CISD3: variants seen among roughly 807,000 people sequenced by gnomAD.
CISD3 encodes the protein CDGSH iron sulfur domain 3.
CISD3 carries 11 observed loss-of-function variants against 14.1 expected under a neutral mutation model. The ratio of observed to expected loss-of-function variants is 0.78; its 90% CI spans 0.49 to 1.29. The LOEUF (loss-of-function observed/expected upper bound fraction) is 1.29. CISD3 is among the 50% of genes most tolerant of loss of function. The pLI is 0.00. For synonymous variants in CISD3, 53 were observed against 69.2 expected (o/e 0.77, Z 1.16); for missense variants, 156 against 171.6 (o/e 0.91, Z 0.51).
intron 1 of CISD3, 112 bp downstream of exon 1, chr17:38,730,518 G>A: frequency 1.0e-6 from 1 of 970,046 alleles, no homozygotes; most frequent in Non-Finnish European, 1.5e-6. Context: ...GGCCCGTCCC[G>A]CCGGTGTCTG....
At chr17:38,731,642 C>G (rs1906340265) in intron 3 of CISD3, among the ~76,000 whole-genome samples, 2 of 152,230 alleles carry the variant, frequency 1.3e-5, no homozygotes, top group South Asian at 4.1e-4. Context: ...GAGACAGAAA[C>G]TCAGTCACGC....
chr17:38,732,482 C>T (rs1906376435), intron 3 of CISD3, among the ~76,000 whole-genome samples: 1 of 152,122 alleles, frequency 6.6e-6, no homozygotes, highest in African/African-American at 2.4e-5. Flanking sequence ...AATGCCTCTA[C>T]CCCCACCAAA....
chr17:38,730,487 G>A (rs1307966850), intron 1 of CISD3, 81 bp downstream of exon 1: 2 of 1,137,178 alleles, frequency 1.8e-6, no homozygotes, highest in African/African-American at 1.6e-5. Context: ...CCCCGGCCCG[G>A]CCGAGCATCC....
chr17:38,730,917 C>A, intron 2 of CISD3, 122 bp downstream of exon 2: 1 of 1,114,780 alleles, frequency 9.0e-7, no homozygotes, highest in Non-Finnish European at 1.3e-6. Flanking sequence ...TAGCCCGTGG[C>A]TCTCAGGGAG....
chr17:38,733,163 C>T, intron 3 of CISD3, 113 bp from the exon 4 acceptor site: 2 of 973,156 alleles, frequency 2.1e-6, no homozygotes, highest in South Asian at 3.2e-5. Flanking sequence ...CAGTCTTGCT[C>T]TGGAGCCTGT....
In CISD3 at chr17:38,731,895, G is replaced by A. The variant is rs551399916; in HGVS notation, c.204+456G>A. ...CTTCCGAGATCAGATGAGATTGGGC[G>A]CATTCAGGGTGGTATGGCCATAGAC... On this transcript the variant is annotated intron_variant, in intron 3 of 3. Coordinates refer to ENST00000613478, the MANE Select transcript of CISD3 (RefSeq NM_001136498.2). 1.6e-4 allele frequency: 28 copies of A among 177,664 alleles called. No homozygotes were observed. The Middle Eastern group carries it at 0.013, about 80-fold the overall frequency. 11.0% of individuals were successfully genotyped at this position (177,664 alleles called of 1,614,324 possible).
Position 38,735,135 on chromosome 17 carries a change from G to A in CISD3, c.*1680G>A. The stretch of plus-strand genomic sequence containing the variant: ...CCCACCCCCAAGGTGGGAAGAGCTG[G>A]GGAAAGTAGAAGAGGTGGAAAAAAG... On this transcript the variant is annotated 3_prime_UTR_variant, in exon 4 of 4. Coordinates refer to ENST00000613478, the MANE Select transcript of CISD3 (RefSeq NM_001136498.2). 1.9e-6 allele frequency: 2 copies of A among 1,079,294 alleles called. No homozygotes were observed. Among genetic ancestry groups the A allele is most frequent in the Non-Finnish European group, 2.4e-6 (2 of 819,256 alleles). The allele number at this position is 1,079,294 out of a possible 1,614,324, so 66.9% of individuals were successfully genotyped here.
At chr17:38,730,825 G>C in intron 2 of CISD3, 30 bp downstream of exon 2, 3 of 1,547,712 alleles carry the variant, frequency 1.9e-6, no homozygotes, top group Non-Finnish European at 2.6e-6. Flanking sequence ...CCTCCTCCTC[G>C]CACAAGACCC....
At chr17:38,730,883 G>C in intron 2 of CISD3, 88 bp downstream of exon 2, 1 of 1,367,966 alleles carries the variant, frequency 7.3e-7, no homozygotes, top group Non-Finnish European at 1.0e-6. Flanking sequence ...GAGCTAGGAA[G>C]AGTACAGGCC....
chr17:38,731,271 C>T, intron 2 of CISD3, 49 bp from the exon 3 acceptor site: 1 of 1,542,222 alleles, frequency 6.5e-7, no homozygotes, highest in Non-Finnish European at 8.8e-7. Context: ...CCGGACGGTG[C>T]TTCCAGGGCT....
intron 1 of CISD3, 98 bp downstream of exon 1, chr17:38,730,504 T>C: frequency 9.8e-7 from 1 of 1,019,358 alleles, no homozygotes; most frequent in Non-Finnish European, 1.4e-6. Flanking sequence ...ATCCCGGAGC[T>C]CCCGGCCCGT....
rs752386425 is a variant in CISD3 at position 38,735,304 on chromosome 17, C to A, written c.*1849C>A. Reference sequence around the variant, plus strand: ...TGGAGGATGGTGTCTGCAGGCAGTTCAAGCTACCCCCGTTGGCAGCTGTGG... The same window carrying A: ...TGGAGGATGGTGTCTGCAGGCAGTTAAAGCTACCCCCGTTGGCAGCTGTGG... On this transcript the variant is annotated 3_prime_UTR_variant, in exon 4 of 4. Transcript: ENST00000613478. 2 of 1,520,820 alleles carry A rather than the reference C, an allele frequency of 1.3e-6. No homozygotes were observed. The highest frequency in any genetic ancestry group is 1.9e-5 in the Admixed American group (1 of 51,322). 94.2% of individuals were successfully genotyped at this position (1,520,820 alleles called of 1,614,324 possible).
At chr17:38,733,030 G>A (rs1906411336) in intron 3 of CISD3, among the ~76,000 whole-genome samples, 1 of 151,772 alleles carries the variant, frequency 6.6e-6, no homozygotes, top group Non-Finnish European at 1.5e-5. Flanking sequence ...TAAAGACTCT[G>A]TAAATACTTA....
intron 1 of CISD3, 66 bp downstream of exon 1, chr17:38,730,472 T>A: frequency 3.6e-6 from 4 of 1,110,328 alleles, no homozygotes; most frequent in Non-Finnish European, 4.8e-6. Flanking sequence ...CAGCCCCCAC[T>A]CCAGCCCCGG....
At position 38,735,447 on chromosome 17, in the gene CISD3, C is replaced by T. The variant is rs1319854450; in HGVS notation, c.*1992C>T. ...GGGCTGGGCAGGGAGGAGGAGGTGG[C>T]TGGCAGGGTGGCAGGGCTGGGAGCC... On this transcript the variant is annotated 3_prime_UTR_variant, in exon 4 of 4. Transcript: ENST00000613478. The T allele has an allele frequency of 6.3e-7, 1 of 1,586,368 alleles. No homozygotes were observed. Among genetic ancestry groups the T allele is most frequent in the Non-Finnish European group, 8.6e-7 (1 of 1,166,096 alleles).
At position 38,731,368 on chromosome 17, in the gene CISD3, A is replaced by G; in HGVS notation, c.133A>G (p.Thr45Ala). 1 of 1,550,836 alleles carries G rather than the reference A, an allele frequency of 6.4e-7. No individual in the cohort carries two copies. The highest frequency in any genetic ancestry group is 8.7e-7 in the Non-Finnish European group (1 of 1,146,792). The change falls in exon 3 of 4, where the codon ACC becomes GCC. Residue 45 changes from threonine (T) to alanine (A), a missense_variant. Physicochemically the swap from Thr to Ala is moderately conservative, Grantham distance 58. Transcript: ENST00000613478. Reference sequence around the variant, plus strand: ...AGCCAGGTCCGTGGTGGCCCTGAAGACCCCCATCAAGGTGGAGCTGGTGGC... The same window carrying G: ...AGCCAGGTCCGTGGTGGCCCTGAAGGCCCCCATCAAGGTGGAGCTGGTGGC... ...TPARSVVALK[T>A]PIKVELVAGK...
At chr17:38,731,685 C>A in intron 3 of CISD3, 1 of 531,092 alleles carries the variant, frequency 1.9e-6, no homozygotes, top group Non-Finnish European at 3.4e-6. Flanking sequence ...TTCCAGTGGG[C>A]TCTTCTGGAG....
rs1355560599 is a variant in CISD3, at chr17:38,735,409, G to T, written c.*1954G>T. The stretch of plus-strand genomic sequence containing the variant: ...GCCCATGGGAACTGGGAGAGCCATG[G>T]GATGGGGTGGCTGGGCTGGGCAGGG... On this transcript the variant is annotated 3_prime_UTR_variant, in exon 4 of 4. Transcript: ENST00000613478. 1 of 1,573,948 alleles carries T rather than the reference G, an allele frequency of 6.4e-7. No homozygotes were observed.
chr17:38,732,583 G>A (rs1906379512), intron 3 of CISD3, among the ~76,000 whole-genome samples: 1 of 152,120 alleles, frequency 6.6e-6, no homozygotes, highest in Non-Finnish European at 1.5e-5. Flanking sequence ...GCTACAGTGA[G>A]CCGTGTTTGC....
Sources: gnomAD v4.1 joint callset for allele counts (sites outside exome capture counted in the v4.1 genomes callset) on GRCh38, gnomAD v4.1.1 for gene constraint, MANE v1.5 for transcripts, NCBI Gene and HGNC (gene_info 2026-07-23, HGNC 2026-07-21) for gene names.